Variants in ZNF90 observed in about 807,000 individuals in gnomAD.
ZNF90 encodes the protein zinc finger protein 90.
In ZNF90, 11 loss-of-function variants were observed where a neutral mutation model predicts 12.0. The observed-to-expected ratio is 0.92, with a 90% CI of 0.58 to 1.52. The LOEUF (loss-of-function observed/expected upper bound fraction) is 1.52, where lower values mean the gene tolerates loss of function less well. Among genes scored for constraint, ZNF90 ranks in the 40% most tolerant of loss-of-function variants. The pLI, the probability that ZNF90 is intolerant of heterozygous loss-of-function variation, is 0.00. For synonymous variants in ZNF90, 232 were observed against 240.1 expected, an observed-to-expected ratio of 0.97 and a Z score of 0.31; for missense variants, 765 against 711.5, an observed-to-expected ratio of 1.08 and a Z score of -0.86.
intron 3 of ZNF90, among the ~76,000 whole-genome samples, chr19:20,108,238 C>G (rs1243649816): frequency 6.6e-6 from 1 of 152,062 alleles, no homozygotes; most frequent in Admixed American, 6.6e-5. Flanking sequence ...AGAGTGCATG[C>G]CAATGATTCA....
In ZNF90 at chr19:20,121,124, A is replaced by G. The variant is rs930837824; in HGVS notation, c.*1764A>G. The G allele has an allele frequency of 1.0e-5, 2 of 194,040 alleles. No homozygotes were observed. Among genetic ancestry groups the G allele is most frequent in the Non-Finnish European group, 2.2e-5 (2 of 89,938 alleles). The allele number at this position is 194,040 out of a possible 1,614,324, so 12.0% of individuals were successfully genotyped here. ...TAAAGGTATATTAAATTACTGTATT[A>G]TTTTACTAATTTTATGTAATAAAAT... On this transcript the variant is annotated 3_prime_UTR_variant, in exon 4 of 4. Coordinates refer to ENST00000418063, the MANE Select transcript of ZNF90 (RefSeq NM_007138.2).
At chr19:20,108,676 T>A (rs2089060215) in intron 3 of ZNF90, among the ~76,000 whole-genome samples, 1 of 151,976 alleles carries the variant, frequency 6.6e-6, no homozygotes, top group South Asian at 2.1e-4. Context: ...GAGTAAACAT[T>A]CTTTTATTAT....
chr19:20,092,474 T>C (rs547253132), intron 1 of ZNF90, among the ~76,000 whole-genome samples: 59 of 151,968 alleles, frequency 3.9e-4, no homozygotes, highest in Non-Finnish European at 7.2e-4. Flanking sequence ...TTGGGATGAG[T>C]CAGGGAGAGC....
Position 20,119,636 on chromosome 19 carries a change from TTAAG to T in ZNF90, c.*277_*280del. 1.1e-5 allele frequency: 3 copies of T among 282,564 alleles called. No homozygotes were observed. Among genetic ancestry groups the T allele is most frequent in the South Asian group, 5.9e-5 (1 of 17,074 alleles). The allele number at this position is 282,564 out of a possible 1,614,324, so 17.5% of individuals were successfully genotyped here. ...AGTTCTCAATTCTTTTTTTTTTTTT[TTAAG>T]AAGGAGTTTCATGCTTCTCACCCAG... On this transcript the variant is annotated 3_prime_UTR_variant, in exon 4 of 4. Transcript: ENST00000418063.
Position 20,118,396 on chromosome 19 carries a change from G to A in ZNF90, c.842G>A (p.Gly281Glu). 6.2e-7 allele frequency: 1 copy of A among 1,607,382 alleles called. No homozygotes were observed. The highest frequency in any genetic ancestry group is 8.5e-7 in the Non-Finnish European group (1 of 1,176,444). Reference sequence around the variant, plus strand: ...ACTGCACATAAGAGAATTCATACTGGAGAGAAACCCTACAAGTGTGATAAA... The same window carrying A: ...ACTGCACATAAGAGAATTCATACTGAAGAGAAACCCTACAAGTGTGATAAA... ...TLTAHKRIHT[G>E]EKPYKCDKCG... is the part of the protein sequence containing the mutation. Residue 281 changes from glycine to glutamate, a missense_variant, in exon 4 of 4, where the codon GGA becomes GAA. Coordinates refer to ENST00000418063, the MANE Select transcript of ZNF90 (RefSeq NM_007138.2).
chr19:20,085,625 CAT>C (rs2088853942), intron 1 of ZNF90, among the ~76,000 whole-genome samples: 1 of 152,164 alleles, frequency 6.6e-6, no homozygotes, highest in Non-Finnish European at 1.5e-5. Flanking sequence ...GTTTTTCCCT[CAT>C]AAACCTTCTT....
At chr19:20,079,306 G>GTTT (rs34761787) in intron 1 of ZNF90, among the ~76,000 whole-genome samples, 2 of 135,944 alleles carry the variant, frequency 1.5e-5, no homozygotes, top group Non-Finnish European at 1.6e-5. Context: ...CAAAAGGAGG[G>GTTT]TTTTTTTTTT....
At chr19:20,090,951 G>A (rs1161495695) in intron 1 of ZNF90, among the ~76,000 whole-genome samples, 4 of 152,148 alleles carry the variant, frequency 2.6e-5, no homozygotes, top group African/African-American at 7.2e-5. Context: ...TAAGGGATAT[G>A]AAGTTTCCAC....
chr19:20,101,485 TG>T (rs1461745137), intron 1 of ZNF90, among the ~76,000 whole-genome samples: 2 of 152,240 alleles, frequency 1.3e-5, no homozygotes, highest in Non-Finnish European at 2.9e-5. Context: ...TGCTGGTGTC[TG>T]TGCTAGAAAA....
At position 20,118,209 on chromosome 19, in the gene ZNF90, C is replaced by A. The variant is rs2089158608; in HGVS notation, c.655C>A (p.His219Asn). 6.2e-7 allele frequency: 1 copy of A among 1,610,122 alleles called. No homozygotes were observed. The highest frequency in any genetic ancestry group is 1.3e-5 in the African/African-American group (1 of 74,806). ...AFNRSSHLTS[H>N]KRIHTGEKRY... ...CAACAGGTCCTCACACCTTACTTCACATAAGAGAATTCATACTGGAGAGAA... is the reference window on the plus strand; with the variant it reads ...CAACAGGTCCTCACACCTTACTTCAAATAAGAGAATTCATACTGGAGAGAA... The change falls in exon 4 of 4, where the codon CAT becomes AAT. Residue 219 changes from histidine (H) to asparagine (N), a missense_variant. His to Asn is a moderately conservative substitution (Grantham distance 68). Coordinates refer to ENST00000418063, the MANE Select transcript of ZNF90 (RefSeq NM_007138.2).
At chr19:20,079,738 G>A (rs1415796565) in intron 1 of ZNF90, 2 of 198,898 alleles carry the variant, frequency 1.0e-5, no homozygotes, top group Non-Finnish European at 2.1e-5. Flanking sequence ...GAGCTTGAGG[G>A]AGGCATATAA....
At chr19:20,090,380 G>A (rs2088892938) in intron 1 of ZNF90, among the ~76,000 whole-genome samples, 1 of 152,090 alleles carries the variant, frequency 6.6e-6, no homozygotes, top group Non-Finnish European at 1.5e-5. Context: ...TGAGTTTAAG[G>A]GAAGTGGGGG....
At chr19:20,117,013 T>TTGTGTGTGTGTGTGTG (rs371655051) in intron 3 of ZNF90, among the ~76,000 whole-genome samples, 58 of 128,698 alleles carry the variant, frequency 4.5e-4, no homozygotes, top group African/African-American at 1.8e-3. Flanking sequence ...CAACTTACAT[T>TTGTGTGTGTGTGTGTG]TGTGTGTGTG....
At chr19:20,095,037 C>T (rs554387080) in intron 1 of ZNF90, among the ~76,000 whole-genome samples, 16 of 151,836 alleles carry the variant, frequency 1.1e-4, no homozygotes, top group South Asian at 6.3e-4. Flanking sequence ...GGACTTAGCT[C>T]GGCCTGGCAA....
At chr19:20,104,459 TAA>T in intron 2 of ZNF90, 94 bp downstream of exon 2, 1 of 1,400,470 alleles carries the variant, frequency 7.1e-7, no homozygotes, top group Non-Finnish European at 9.5e-7. Context: ...ATTGTTTGCA[TAA>T]GAGAGTTTTA....
chr19:20,080,045 C>G (rs1252535080), intron 1 of ZNF90: 2 of 324,238 alleles, frequency 6.2e-6, no homozygotes, highest in African/African-American at 4.4e-5. Context: ...AAGCGATTCT[C>G]CTGCCTCAGC....
intron 1 of ZNF90, among the ~76,000 whole-genome samples, chr19:20,090,426 T>C (rs1209645167): frequency 2.0e-5 from 3 of 152,066 alleles, no homozygotes; most frequent in Non-Finnish European, 2.9e-5. Flanking sequence ...TTGTGACTTC[T>C]AGGAGGAAGA....
rs1321385653 is a variant in ZNF90 at position 20,118,351 on chromosome 19, TA to T, written c.800del (p.Lys267SerfsTer39). 1 of 1,562,776 alleles carries T rather than the reference TA, an allele frequency of 6.4e-7. No individual in the cohort carries two copies. The highest frequency in any genetic ancestry group is 1.9e-5 in the Admixed American group (1 of 52,124). ...AAATGTGAAGATTGTGGCAAAGAAT[TA>T]AAGTATTCCTCTACCCTTACTGCAC... Reference protein sequence around the residue: ...RYKCEDCGKELKYSSTLTAHK... With the variant: ...RYKCEDCGKEXKYSSTLTAHK... On this transcript the variant is annotated frameshift_variant, in exon 4 of 4. Transcript: ENST00000418063. LOFTEE classifies it low-confidence loss of function (END_TRUNC).
intron 3 of ZNF90, among the ~76,000 whole-genome samples, chr19:20,109,644 C>G (rs963344095): frequency 2.6e-5 from 4 of 151,636 alleles, no homozygotes; most frequent in Non-Finnish European, 5.9e-5. Context: ...GAGGCCAAGA[C>G]AGGAGGATTC....
Sources: gnomAD v4.1 joint callset for allele counts (sites outside exome capture counted in the v4.1 genomes callset) on GRCh38, gnomAD v4.1.1 for gene constraint, MANE v1.5 for transcripts, NCBI Gene and HGNC (gene_info 2026-07-23, HGNC 2026-07-21) for gene names.